Variants in SPINK8 observed in about 807,000 individuals in gnomAD.
SPINK8 encodes serine peptidase inhibitor Kazal type 8 (putative).
Under a neutral mutation model 14.4 loss-of-function variants are expected in SPINK8, and 12 were observed. The ratio of observed to expected loss-of-function variants is 0.83; its 90% CI spans 0.53 to 1.35. SPINK8 has a LOEUF of 1.35. Among genes scored for constraint, SPINK8 ranks in the 40% most tolerant of loss-of-function variants. The probability of loss-of-function intolerance (pLI) is 0.00; values close to 1 mark genes in which losing one functional copy is unlikely to be tolerated. For synonymous variants in SPINK8, 32 were observed against 37.6 expected (o/e 0.85, Z 0.55); for missense variants, 103 against 117.0 (o/e 0.88, Z 0.55).
chr3:48,314,271 C>A (rs1248084480), intron 6 of SPINK8, among the ~76,000 whole-genome samples: 1 of 151,860 alleles, frequency 6.6e-6, no homozygotes, highest in East Asian at 1.9e-4. Context: ...AAAATTTCCT[C>A]CACGAAAGCA....
chr3:48,330,234 A>C (rs1428061284), intron 2 of SPINK8, among the ~76,000 whole-genome samples: 1 of 152,192 alleles, frequency 6.6e-6, no homozygotes, highest in Non-Finnish European at 1.5e-5. Flanking sequence ...AGAAATTTTA[A>C]TAGGCTGGGT....
chr3:48,320,550 A>G (rs1419644940), intron 5 of SPINK8, among the ~76,000 whole-genome samples: 1 of 152,044 alleles, frequency 6.6e-6, no homozygotes, highest in Non-Finnish European at 1.5e-5. Context: ...TCCGTCTCAA[A>G]AAAAAAAAAA....
intron 6 of SPINK8, among the ~76,000 whole-genome samples, chr3:48,312,965 T>A (rs2035941953): frequency 6.9e-6 from 1 of 145,024 alleles, no homozygotes; most frequent in Non-Finnish European, 1.5e-5. Context: ...GCCACTGCAC[T>A]CCAGCCTGGG....
At chr3:48,326,243 A>T (rs1276456914) in intron 4 of SPINK8, among the ~76,000 whole-genome samples, 1 of 152,060 alleles carries the variant, frequency 6.6e-6, no homozygotes, top group Non-Finnish European at 1.5e-5. Context: ...CTGGGAAGGG[A>T]AGGGGAAAGA....
chr3:48,316,253 G>A (rs1376852904), intron 6 of SPINK8: 3 of 154,144 alleles, frequency 1.9e-5, no homozygotes, highest in Non-Finnish European at 2.9e-5. Flanking sequence ...CTTACAATAG[G>A]ATGCATTCTA....
intron 1 of SPINK8, among the ~76,000 whole-genome samples, chr3:48,332,925 A>G (rs2036284543): frequency 6.6e-6 from 1 of 151,928 alleles, no homozygotes; most frequent in Non-Finnish European, 1.5e-5. Context: ...TCCTCCTCCC[A>G]CCACTTCAAG....
At chr3:48,331,218 A>G (rs547904278) in intron 2 of SPINK8, among the ~76,000 whole-genome samples, 3 of 152,328 alleles carry the variant, frequency 2.0e-5, no homozygotes, top group East Asian at 1.9e-4. Context: ...AAAAACTCCT[A>G]TAAGATGGGG....
intron 3 of SPINK8, among the ~76,000 whole-genome samples, chr3:48,328,932 T>A (rs1184808619): frequency 6.6e-6 from 1 of 152,210 alleles, no homozygotes; most frequent in African/African-American, 2.4e-5. Context: ...AAAACCATAG[T>A]ATATTTACCA....
chr3:48,324,842 C>T (rs972337022), intron 4 of SPINK8, among the ~76,000 whole-genome samples: 1 of 152,052 alleles, frequency 6.6e-6, no homozygotes. Context: ...CTTCTATTTC[C>T]TTATTGGTCT....
intron 6 of SPINK8, chr3:48,316,227 C>G (rs2035991098): frequency 6.5e-6 from 1 of 153,380 alleles, no homozygotes; most frequent in Non-Finnish European, 1.5e-5. Flanking sequence ...AAACTTCATC[C>G]AGTAAGTTCA....
chr3:48,319,701 T>A, intron 5 of SPINK8, 83 bp from the exon 6 acceptor site: 1 of 1,570,198 alleles, frequency 6.4e-7, no homozygotes, highest in Non-Finnish European at 8.7e-7. Flanking sequence ...GGGAGGTGGA[T>A]GGAATACGAG....
At chr3:48,327,537 G>A (rs1401752952) in intron 4 of SPINK8, among the ~76,000 whole-genome samples, 1 of 152,184 alleles carries the variant, frequency 6.6e-6, no homozygotes, top group Admixed American at 6.5e-5. Context: ...CTTGCAGGGA[G>A]GCTGATGCCA....
Position 48,319,371 on chromosome 3 carries a change from A to C in SPINK8, c.239+126T>G, listed in dbSNP as rs796590288. 7.2e-6 allele frequency: 8 copies of C among 1,110,232 alleles called. No homozygotes were observed. The South Asian group carries it at 7.7e-5, about 11-fold the overall frequency. 68.8% of individuals were successfully genotyped at this position (1,110,232 alleles called of 1,614,324 possible). On this transcript the variant is annotated intron_variant, in intron 6 of 7. Coordinates refer to ENST00000434006, the MANE Select transcript of SPINK8 (RefSeq NM_001080525.3). ...GAATGGAAGAAAGGGAGGAACAAAT[A>C]CTGGAGGAATGTCTGGAGAGAAGGT...
intron 1 of SPINK8, among the ~76,000 whole-genome samples, 46 bp downstream of exon 1, chr3:48,333,489 G>T (rs1169734054): frequency 2.6e-5 from 4 of 152,132 alleles, no homozygotes; most frequent in African/African-American, 9.7e-5. Flanking sequence ...TTTTCAGGGT[G>T]CGTAACCACC....
intron 4 of SPINK8, among the ~76,000 whole-genome samples, chr3:48,327,476 T>C (rs1211413786): frequency 2.0e-5 from 3 of 152,218 alleles, no homozygotes; most frequent in Non-Finnish European, 4.4e-5. Context: ...GGTTGAGTTA[T>C]GGTGTGTTCC....
At chr3:48,325,879 T>C (rs2036133685) in intron 4 of SPINK8, among the ~76,000 whole-genome samples, 1 of 151,966 alleles carries the variant, frequency 6.6e-6, no homozygotes, top group South Asian at 2.1e-4. Context: ...ATTACAGGCA[T>C]GAGCCACCAT....
At chr3:48,326,742 C>T (rs935736701) in intron 4 of SPINK8, among the ~76,000 whole-genome samples, 12 of 152,004 alleles carry the variant, frequency 7.9e-5, no homozygotes, top group Non-Finnish European at 1.3e-4. Context: ...AACCATGTCT[C>T]TACTAAAAAT....
chr3:48,330,194 A>C (rs1014062792), intron 2 of SPINK8, among the ~76,000 whole-genome samples: 2 of 152,096 alleles, frequency 1.3e-5, no homozygotes, highest in Non-Finnish European at 2.9e-5. Context: ...GCTTATATAT[A>C]TTTTTAAGTT....
chr3:48,329,119 C>A (rs1483693322), intron 3 of SPINK8, among the ~76,000 whole-genome samples, 34 bp downstream of exon 3: 1 of 152,200 alleles, frequency 6.6e-6, no homozygotes, highest in Non-Finnish European at 1.5e-5. Context: ...TAATACAACC[C>A]TTAAAAGTTT....
Sources: gnomAD v4.1 joint callset for allele counts (sites outside exome capture counted in the v4.1 genomes callset) on GRCh38, gnomAD v4.1.1 for gene constraint, MANE v1.5 for transcripts, NCBI Gene and HGNC (gene_info 2026-07-23, HGNC 2026-07-21) for gene names.